Variants in HMCN1 observed in about 807,000 individuals in gnomAD.
The protein encoded by HMCN1 is hemicentin-1.
HMCN1 carries 321 observed loss-of-function variants against 625.9 expected under a neutral mutation model. The observed-to-expected ratio is 0.51, with a 90% CI of 0.47 to 0.56. HMCN1 has a LOEUF of 0.56. Among genes scored for constraint, HMCN1 ranks in the 20% least tolerant of loss-of-function variants. HMCN1 has a pLI of 0.00. For missense variants in HMCN1, 6,588 were observed against 6,887.3 expected (o/e 0.96, Z 1.54); for synonymous variants, 2,425 against 2,417.6 (o/e 1.00, Z -0.09).
chr1:186,042,080 C>T (rs1656245229), intron 40 of HMCN1, among the ~76,000 whole-genome samples: 1 of 152,062 alleles, frequency 6.6e-6, no homozygotes, highest in South Asian at 2.1e-4. Context: ...ACATGGATAT[C>T]ATACATATCT....
At chr1:185,879,211 C>T (rs1360197264) in intron 4 of HMCN1, among the ~76,000 whole-genome samples, 2 of 152,190 alleles carry the variant, frequency 1.3e-5, no homozygotes, top group South Asian at 2.1e-4. Context: ...TACTCTGTTG[C>T]ACAGGCTAGA....
intron 46 of HMCN1, among the ~76,000 whole-genome samples, 174 bp downstream of exon 46, chr1:186,057,575 A>G (rs866363938): frequency 3.3e-5 from 5 of 152,040 alleles, no homozygotes; most frequent in South Asian, 2.1e-4. Context: ...AAACTATATG[A>G]AAATGAGAAA....
intron 97 of HMCN1, among the ~76,000 whole-genome samples, chr1:186,157,522 C>G (rs944877929): frequency 6.6e-6 from 1 of 151,956 alleles, no homozygotes; most frequent in Non-Finnish European, 1.5e-5. Flanking sequence ...TTTTAGGGTA[C>G]ATGTGCACAA....
intron 97 of HMCN1, among the ~76,000 whole-genome samples, chr1:186,164,384 C>A (rs986675576): frequency 2.0e-5 from 3 of 151,944 alleles, no homozygotes; most frequent in Non-Finnish European, 4.4e-5. Context: ...GGACTACAGG[C>A]ACCTGCCACC....
intron 62 of HMCN1, 152 bp downstream of exon 62, chr1:186,088,428 G>T: frequency 7.3e-7 from 1 of 1,378,848 alleles, no homozygotes; most frequent in Non-Finnish European, 9.9e-7. Context: ...TTACAAAATA[G>T]ACTCATTGTA....
rs1571687883 is a variant in HMCN1, at chr1:185,997,423, T to C, written c.3779-6T>C. ...GCCTGTGATAATGCATTTATTTTCCTAATAGAACCACCCACAGTGGAAGAT... is the reference window on the plus strand; with the variant it reads ...GCCTGTGATAATGCATTTATTTTCCCAATAGAACCACCCACAGTGGAAGAT... On this transcript the variant is annotated splice_region_variant and splice_polypyrimidine_tract_variant and intron_variant, in intron 24 of 106. Coordinates refer to ENST00000271588, the MANE Select transcript of HMCN1 (RefSeq NM_031935.3). 9.4e-6 allele frequency: 15 copies of C among 1,595,992 alleles called. No individual in the cohort carries two copies. Among genetic ancestry groups the C allele is most frequent in the Non-Finnish European group, 1.3e-5 (15 of 1,164,452 alleles).
chr1:186,018,842 A>C (rs897274753), intron 34 of HMCN1, among the ~76,000 whole-genome samples: 1 of 152,050 alleles, frequency 6.6e-6, no homozygotes, highest in Non-Finnish European at 1.5e-5. Flanking sequence ...CTGGCACATT[A>C]GGATTATAAC....
rs570865096 is a variant in HMCN1 at position 186,088,891 on chromosome 1, C to A, written c.9727+136C>A. The A allele has an allele frequency of 1.2e-4, 102 of 874,620 alleles. No homozygotes were observed. In the South Asian group the frequency reaches 1.6e-3, roughly 14 times the overall value. The allele number at this position is 874,620 out of a possible 1,614,324, so 54.2% of individuals were successfully genotyped here. On this transcript the variant is annotated intron_variant, in intron 63 of 106. Coordinates refer to ENST00000271588, the MANE Select transcript of HMCN1 (RefSeq NM_031935.3). ...ATCATCAAAAACTATCATCAGTTTT[C>A]TGTCTTATATTTACCAGTAGATTCT...
chr1:186,120,276 T>C (rs1661341448), intron 80 of HMCN1, 131 bp downstream of exon 80: 1 of 1,041,962 alleles, frequency 9.6e-7, no homozygotes, highest in South Asian at 1.6e-5. Flanking sequence ...TGCATTATCC[T>C]ATTGGTTTTT....
At chr1:185,967,533 C>T (rs1650498415) in intron 14 of HMCN1, among the ~76,000 whole-genome samples, 1 of 152,058 alleles carries the variant, frequency 6.6e-6, no homozygotes, top group South Asian at 2.1e-4. Flanking sequence ...CAATAATAGG[C>T]AGAGCTGCCC....
At chr1:186,078,287 C>A in intron 55 of HMCN1, 67 bp downstream of exon 55, 3 of 1,107,482 alleles carry the variant, frequency 2.7e-6, no homozygotes, top group Non-Finnish European at 4.1e-6. Flanking sequence ...CTAATGTTTG[C>A]AGGATGTTAC....
chr1:185,912,490 A>G (rs927953351), intron 6 of HMCN1, among the ~76,000 whole-genome samples: 1 of 152,170 alleles, frequency 6.6e-6, no homozygotes, highest in Non-Finnish European at 1.5e-5. Context: ...AAAATTCAAG[A>G]TACCATAAAT....
At chr1:185,788,891 C>T (rs1657804458) in intron 1 of HMCN1, among the ~76,000 whole-genome samples, 1 of 151,906 alleles carries the variant, frequency 6.6e-6, no homozygotes, top group African/African-American at 2.4e-5. Context: ...TCATTATTTG[C>T]CTTCTAATAC....
intron 29 of HMCN1, 90 bp downstream of exon 29, chr1:186,003,934 T>C: frequency 3.3e-6 from 4 of 1,201,962 alleles, no homozygotes; most frequent in Non-Finnish European, 3.7e-6. Flanking sequence ...CTTAATTATT[T>C]TATTACATAG....
chr1:186,092,757 T>C (rs1471990795), intron 64 of HMCN1, among the ~76,000 whole-genome samples: 1 of 152,096 alleles, frequency 6.6e-6, no homozygotes, highest in Admixed American at 6.6e-5. Flanking sequence ...TGTTTATAAC[T>C]ATATTAAGTT....
At chr1:186,122,809 T>G (rs1661457854) in intron 80 of HMCN1, 142 bp from the exon 81 acceptor site, 1 of 869,374 alleles carries the variant, frequency 1.2e-6, no homozygotes, top group African/African-American at 1.7e-5. Flanking sequence ...CATGAAAAAA[T>G]GTAGTGCTCC....
rs533436344 is a variant in HMCN1 at position 185,976,282 on chromosome 1, A to G, written c.2372-1505A>G. ...CATTACATTTGTGGGAGATGGTAAT[A>G]ACAAGGTACTGATATGAGAAAGGTC... is the stretch of plus-strand genomic sequence containing the variant. On this transcript the variant is annotated intron_variant, in intron 15 of 106. Coordinates refer to ENST00000271588, the MANE Select transcript of HMCN1 (RefSeq NM_031935.3). 2.0e-5 allele frequency among the ~76,000 whole-genome samples: 3 copies of G among 152,288 alleles called. No homozygotes were observed. The East Asian group carries it at 5.8e-4, about 29-fold the overall frequency.
At chr1:185,883,064 TA>T (rs1211851339) in intron 4 of HMCN1, among the ~76,000 whole-genome samples, 1 of 152,116 alleles carries the variant, frequency 6.6e-6, no homozygotes, top group Non-Finnish European at 1.5e-5. Flanking sequence ...TACCCTAAAG[TA>T]ACGTTCAATT....
At position 186,040,038 on chromosome 1, in the gene HMCN1, G is replaced by A. The variant is rs187125160; in HGVS notation, c.6180+159G>A. 4.6e-5 allele frequency among the ~76,000 whole-genome samples: 7 copies of A among 152,156 alleles called. No individual in the cohort carries two copies. The East Asian group carries it at 1.4e-3, about 29-fold the overall frequency. Reference sequence around the variant, plus strand: ...CCATAAACACCATGGACACATAACTGGGGTCCCCAAACAATTCATTAAAAG... The same window carrying A: ...CCATAAACACCATGGACACATAACTAGGGTCCCCAAACAATTCATTAAAAG... On this transcript the variant is annotated intron_variant, in intron 39 of 106. Transcript: ENST00000271588.
Sources: gnomAD v4.1 joint callset for allele counts (sites outside exome capture counted in the v4.1 genomes callset) on GRCh38, gnomAD v4.1.1 for gene constraint, MANE v1.5 for transcripts, NCBI Gene and HGNC (gene_info 2026-07-23, HGNC 2026-07-21) for gene names.